The following DPP10 variants were observed in gnomAD, a reference collection of about 807,000 sequenced individuals.
DPP10 encodes inactive dipeptidyl peptidase 10.
In DPP10, 33 loss-of-function variants were observed where a neutral mutation model predicts 120.9. The observed-to-expected ratio is 0.27, with a 90% CI of 0.21 to 0.37. DPP10 has a LOEUF of 0.37. Among genes scored for constraint, DPP10 ranks in the 10% least tolerant of loss-of-function variants. The pLI, the probability that DPP10 is intolerant of heterozygous loss-of-function variation, is 1.00. For missense variants in DPP10, 816 were observed against 942.8 expected (o/e 0.87, Z 1.76); for synonymous variants, 337 against 326.1 (o/e 1.03, Z -0.36).
intron 1 of DPP10, among the ~76,000 whole-genome samples, chr2:115,302,159 C>T (rs2061167394): frequency 6.6e-6 from 1 of 151,876 alleles, no homozygotes; most frequent in Non-Finnish European, 1.5e-5. Flanking sequence ...TTTAAACCAT[C>T]ACGTCTTGTG....
intron 8 of DPP10, among the ~76,000 whole-genome samples, chr2:115,736,587 G>A (rs1318907105): frequency 6.6e-6 from 1 of 152,096 alleles, no homozygotes; most frequent in Non-Finnish European, 1.5e-5. Flanking sequence ...GAATATGTGT[G>A]TATCTCTGTG....
chr2:115,279,992 A>G (rs1479228551), intron 1 of DPP10, among the ~76,000 whole-genome samples: 1 of 151,532 alleles, frequency 6.6e-6, no homozygotes, highest in Non-Finnish European at 1.5e-5. Context: ...TTTCTTTCCT[A>G]CACTGTTATG....
chr2:115,411,255 C>T (rs189916622), intron 3 of DPP10, among the ~76,000 whole-genome samples: 4 of 152,152 alleles, frequency 2.6e-5, no homozygotes, highest in East Asian at 3.9e-4. Flanking sequence ...TTGCTTGAAC[C>T]GGGCAGGCGG....
intron 4 of DPP10, among the ~76,000 whole-genome samples, chr2:115,518,788 A>G (rs2077639883): frequency 6.6e-6 from 1 of 152,150 alleles, no homozygotes; most frequent in South Asian, 2.1e-4. Flanking sequence ...TGTTACACAC[A>G]TTGTATAAGG....
intron 7 of DPP10, among the ~76,000 whole-genome samples, chr2:115,697,527 C>T (rs1185220059): frequency 1.3e-5 from 2 of 151,170 alleles, no homozygotes. Flanking sequence ...CATTTATATA[C>T]CTAATAACAG....
At chr2:114,702,284 A>G (rs1229909805) in intron 1 of DPP10, among the ~76,000 whole-genome samples, 1 of 152,112 alleles carries the variant, frequency 6.6e-6, no homozygotes, top group Admixed American at 6.6e-5. Context: ...TACAGGAAGC[A>G]AGTTTTGAAG....
intron 4 of DPP10, among the ~76,000 whole-genome samples, chr2:115,502,871 C>A (rs1488614791): frequency 9.8e-5 from 2 of 20,426 alleles, no homozygotes; most frequent in Non-Finnish European, 3.1e-4. Context: ...TTTTTTAAAA[C>A]AGTTTTTTTT....
chr2:114,862,156 A>C (rs939932133), intron 1 of DPP10, among the ~76,000 whole-genome samples: 1 of 152,166 alleles, frequency 6.6e-6, no homozygotes, highest in African/African-American at 2.4e-5. Context: ...TATAGAGGGA[A>C]GCACTAGACA....
intron 2 of DPP10, among the ~76,000 whole-genome samples, chr2:115,330,903 A>G (rs912467830): frequency 2.0e-5 from 3 of 152,232 alleles, no homozygotes; most frequent in East Asian, 1.9e-4. Context: ...TGTCTTGGCA[A>G]TGTGGGCTCT....
At chr2:115,128,559 A>G (rs2050188753) in intron 1 of DPP10, among the ~76,000 whole-genome samples, 1 of 152,226 alleles carries the variant, frequency 6.6e-6, no homozygotes, top group South Asian at 2.1e-4. Flanking sequence ...AAAAATGTTC[A>G]GAAACATTTG....
chr2:115,590,384 T>C (rs1161433961), intron 5 of DPP10, among the ~76,000 whole-genome samples: 1 of 152,104 alleles, frequency 6.6e-6, no homozygotes, highest in Non-Finnish European at 1.5e-5. Flanking sequence ...GTTCTCATTG[T>C]TCAAGTCCCA....
intron 5 of DPP10, among the ~76,000 whole-genome samples, chr2:115,599,323 A>G (rs974146934): frequency 6.6e-6 from 1 of 152,102 alleles, no homozygotes; most frequent in Admixed American, 6.6e-5. Flanking sequence ...AACTTTTGAC[A>G]TTGTCTCATA....
At chr2:114,807,736 C>T (rs1173373204) in intron 1 of DPP10, among the ~76,000 whole-genome samples, 1 of 152,186 alleles carries the variant, frequency 6.6e-6, no homozygotes, top group African/African-American at 2.4e-5. Flanking sequence ...TAACAAACCA[C>T]TCCTAACTGG....
At chr2:114,819,143 G>T (rs1407019799) in intron 1 of DPP10, among the ~76,000 whole-genome samples, 1 of 136,988 alleles carries the variant, frequency 7.3e-6, no homozygotes, top group Non-Finnish European at 1.6e-5. Context: ...GATTTTCCTA[G>T]TTCTCTTGCA....
At chr2:115,453,636 A>G (rs944961212) in intron 3 of DPP10, among the ~76,000 whole-genome samples, 6 of 151,558 alleles carry the variant, frequency 4.0e-5, no homozygotes, top group African/African-American at 1.4e-4. Flanking sequence ...TGCAACTAAA[A>G]CGGTAGTTTT....
chr2:115,158,199 T>C lies in DPP10; in HGVS notation c.61-151040T>C, dbSNP rs371455972. On this transcript the variant is annotated intron_variant, in intron 1 of 25. Coordinates refer to ENST00000410059, the MANE Select transcript of DPP10 (RefSeq NM_020868.6). ...ATACTGCATAGATGACCTATGTATG[T>C]ATAGAACAACCTAATTTTGCCACAG... 4.8e-4 allele frequency among the ~76,000 whole-genome samples: 73 copies of C among 152,330 alleles called. 1 individual carries two copies. The highest frequency in any genetic ancestry group is 1.1e-3 in the African/African-American group (44 of 41,576).
At chr2:115,504,555 G>C (rs928330750) in intron 4 of DPP10, among the ~76,000 whole-genome samples, 5 of 151,784 alleles carry the variant, frequency 3.3e-5, no homozygotes, top group Admixed American at 2.0e-4. Context: ...ATTTAAAAAT[G>C]ATTATTTATG....
intron 1 of DPP10, among the ~76,000 whole-genome samples, chr2:115,131,480 A>G (rs1286213285): frequency 6.6e-6 from 1 of 152,138 alleles, no homozygotes; most frequent in Non-Finnish European, 1.5e-5. Flanking sequence ...GCCACTGTGC[A>G]CCTGCCTGGG....
chr2:114,896,168 G>A (rs1454674152), intron 1 of DPP10, among the ~76,000 whole-genome samples: 2 of 152,186 alleles, frequency 1.3e-5, no homozygotes, highest in African/African-American at 4.8e-5. Context: ...CAGGTAGCGT[G>A]ATGCCTCCGG....
Sources: allele counts gnomAD v4.1 joint callset (sites outside exome capture counted in the v4.1 genomes callset), GRCh38; gene constraint gnomAD v4.1.1; transcripts MANE v1.5; gene names NCBI Gene and HGNC (gene_info 2026-07-23, HGNC 2026-07-21).